Variants in CCDC137 observed in about 807,000 individuals in gnomAD.
CCDC137 encodes the protein coiled-coil domain-containing protein 137.
Under a neutral mutation model 30.4 loss-of-function variants are expected in CCDC137, and 24 were observed. The observed-to-expected ratio is 0.79, with a 90% CI of 0.57 to 1.11. CCDC137 has a LOEUF of 1.11. Among genes scored for constraint, CCDC137 ranks in the 50% least tolerant of loss-of-function variants. The probability of loss-of-function intolerance (pLI) is 0.00; values close to 1 mark genes in which losing one functional copy is unlikely to be tolerated. For missense variants in CCDC137, 417 were observed against 380.4 expected (o/e 1.10, Z -0.80); for synonymous variants, 182 against 155.7 (o/e 1.17, Z -1.26).
chr17:81,667,883 G>A lies in CCDC137; in HGVS notation c.268+21G>A. ...AGCAGGTGTGTGCAGGCCCATACTGGGCGGCAGTGAAGCTTTGTGTGTCTC... is the reference window on the plus strand; with the variant it reads ...AGCAGGTGTGTGCAGGCCCATACTGAGCGGCAGTGAAGCTTTGTGTGTCTC... On this transcript the variant is annotated intron_variant, in intron 2 of 5. Coordinates refer to ENST00000329214, the MANE Select transcript of CCDC137 (RefSeq NM_199287.3). 3 of 1,607,550 alleles carry A rather than the reference G, an allele frequency of 1.9e-6. No individual in the cohort carries two copies. In the South Asian group the frequency reaches 3.3e-5, roughly 18 times the overall value.
chr17:81,667,766 C>T lies in CCDC137; in HGVS notation c.172C>T (p.Gln58Ter). 2.5e-6 allele frequency: 4 copies of T among 1,613,650 alleles called. No individual in the cohort carries two copies. Among genetic ancestry groups the T allele is most frequent in the Non-Finnish European group, 3.4e-6 (4 of 1,179,990 alleles). ...GAAAGTGAACTGCAAGCCCAAGAAC[C>T]AGGACGAACAGGAGATTCCTTTCCG... is the stretch of plus-strand genomic sequence containing the variant. ...KKKVNCKPKN[Q>*]DEQEIPFRLR... The change falls in exon 2 of 6, where the codon CAG becomes TAG. Residue 58 changes from glutamine (Q) to a stop codon, truncating the protein, a stop_gained. Transcript: ENST00000329214. LOFTEE classifies it high-confidence loss of function.
At chr17:81,667,636 A>G in intron 1 of CCDC137, 93 bp from the exon 2 acceptor site, 1 of 1,487,086 alleles carries the variant, frequency 6.7e-7, no homozygotes, top group South Asian at 1.2e-5. Flanking sequence ...CAGCCCGTGT[A>G]GATTCTATTG....
At chr17:81,671,041 G>A (rs181132684) in intron 3 of CCDC137, among the ~76,000 whole-genome samples, 146 of 152,000 alleles carry the variant, frequency 9.6e-4, no homozygotes, top group African/African-American at 3.4e-3. Context: ...CTGAGGCAGT[G>A]GAATCGCTTG....
In CCDC137 at chr17:81,673,593, T is replaced by G. The variant is rs1021147473; in HGVS notation, c.*889T>G. ...CAGTCTCCAGTGCCAAAGGAGGAAA[T>G]GCCCAGGCTGTCAGCATTTCCAGAT... On this transcript the variant is annotated 3_prime_UTR_variant, in exon 6 of 6. Transcript: ENST00000329214. 1 of 152,206 alleles carries G rather than the reference T, an allele frequency of 6.6e-6. No homozygotes were observed. Among genetic ancestry groups the G allele is most frequent in the African/African-American group, 2.4e-5 (1 of 41,432 alleles). The allele number at this position is 152,206 out of a possible 1,614,324, so 9.4% of individuals were successfully genotyped here.
intron 2 of CCDC137, among the ~76,000 whole-genome samples, chr17:81,668,668 G>A (rs887660395): frequency 1.3e-5 from 2 of 152,166 alleles, no homozygotes; most frequent in Admixed American, 6.5e-5. Flanking sequence ...GTTCTGAACC[G>A]TGCTGCATTG....
chr17:81,666,924 C>A (rs754268458), intron 1 of CCDC137, 24 bp downstream of exon 1: 164 of 1,249,772 alleles, frequency 1.3e-4, no homozygotes, highest in Admixed American at 1.7e-4. Context: ...CCCGCGAGGC[C>A]GCCACACTTC....
rs1480035209 is a variant in CCDC137, at chr17:81,667,799, G to T, written c.205G>T (p.Glu69Ter). The T allele has an allele frequency of 4.3e-6, 7 of 1,612,936 alleles. No individual in the cohort carries two copies. Among genetic ancestry groups the T allele is most frequent in the Non-Finnish European group, 5.9e-6 (7 of 1,179,984 alleles). The change falls in exon 2 of 6, where the codon GAG becomes TAG. Residue 69 changes from glutamate (E) to a stop codon, truncating the protein, a stop_gained. Coordinates refer to ENST00000329214, the MANE Select transcript of CCDC137 (RefSeq NM_199287.3). LOFTEE classifies it high-confidence loss of function. ...ACAGGAGATTCCTTTCCGGCTCCGG[G>T]AGATTATGAGGAGCCGCCAAGAGAT... is the stretch of plus-strand genomic sequence containing the variant. ...DEQEIPFRLR[E>*]IMRSRQEMKN...
exon 6 of CCDC137, chr17:81,673,893 GTTAAAAGTTTTAAA>G (rs1403146797): frequency 2.0e-5 from 3 of 152,238 alleles, no homozygotes; most frequent in Non-Finnish European, 4.4e-5. Context: ...TTACTTTTTA[GTTAAAAGTTTTAAA>G]TTGGAGAATA....
chr17:81,669,685 G>A (rs964402697), intron 2 of CCDC137, among the ~76,000 whole-genome samples: 1 of 151,940 alleles, frequency 6.6e-6, no homozygotes. Flanking sequence ...TCAGCCTCCC[G>A]AGTAGTTGGG....
rs1252027670 is a variant in CCDC137, at chr17:81,667,718, C to A, written c.135-11C>A. 1.4e-5 allele frequency: 23 copies of A among 1,613,500 alleles called. No individual in the cohort carries two copies. In the South Asian group the frequency reaches 2.2e-4, roughly 15 times the overall value. On this transcript the variant is annotated splice_polypyrimidine_tract_variant and intron_variant, in intron 1 of 5. Coordinates refer to ENST00000329214, the MANE Select transcript of CCDC137 (RefSeq NM_199287.3). ...TTGGGACGGGTCTCACCCCCGTGTTCTTTCTCCCAGCAAAGAGAAGAAGAA... is the reference window on the plus strand; with the variant it reads ...TTGGGACGGGTCTCACCCCCGTGTTATTTCTCCCAGCAAAGAGAAGAAGAA...
At chr17:81,668,072 C>T (rs1449902803) in intron 2 of CCDC137, among the ~76,000 whole-genome samples, 2 of 151,972 alleles carry the variant, frequency 1.3e-5, no homozygotes, top group African/African-American at 2.4e-5. Flanking sequence ...GTGGGGTGGG[C>T]GGGGAGGACC....
chr17:81,672,662 A>AC lies in CCDC137; in HGVS notation c.832dup (p.His278ProfsTer36). ...GGCAGCAGCAGCTGCACGGGGAGCGACCCCACCTCACTTCCCGGAAGAAGC... is the reference window on the plus strand; with the variant it reads ...GGCAGCAGCAGCTGCACGGGGAGCGACCCCCACCTCACTTCCCGGAAGAAGC... On this transcript the variant is annotated frameshift_variant, in exon 6 of 6. Transcript: ENST00000329214. LOFTEE classifies it low-confidence loss of function (END_TRUNC). The AC allele has an allele frequency of 6.2e-7, 1 of 1,600,004 alleles. No homozygotes were observed. The highest frequency in any genetic ancestry group is 8.5e-7 in the Non-Finnish European group (1 of 1,174,414).
chr17:81,671,451 C>G (rs1289350043), intron 3 of CCDC137: 1 of 401,306 alleles, frequency 2.5e-6, no homozygotes, highest in Non-Finnish European at 4.7e-6. Flanking sequence ...GCACAAGGTG[C>G]CAGTAGCCCT....
Position 81,670,320 on chromosome 17 carries a change from G to T in CCDC137, c.364G>T (p.Asp122Tyr), listed in dbSNP as rs376921756. 1.2e-6 allele frequency: 2 copies of T among 1,614,026 alleles called. No individual in the cohort carries two copies. The highest frequency in any genetic ancestry group is 3.3e-5 in the Admixed American group (2 of 60,016). ...GTTCAAACAGAGGAAGGGGGAGTCT[G>T]ACGGGGCCTATATCCACCGCATGCA... ...PKFKQRKGES[D>Y]GAYIHRMQQE... Residue 122 changes from aspartate to tyrosine, a missense_variant, in exon 3 of 6, where the codon GAC (aspartate) becomes TAC (tyrosine). Coordinates refer to ENST00000329214, the MANE Select transcript of CCDC137 (RefSeq NM_199287.3).
In CCDC137 at chr17:81,672,595, A is replaced by AG; in HGVS notation, c.762dup (p.Arg255GlufsTer59). On this transcript the variant is annotated frameshift_variant, in exon 6 of 6. Coordinates refer to ENST00000329214, the MANE Select transcript of CCDC137 (RefSeq NM_199287.3). LOFTEE classifies it low-confidence loss of function (END_TRUNC). ...GCCCGCCAGCGGATTGTGGAGGAGG[A>AG]GAGAGAGCGGGCCGTGCAGGCCTAC... 6.3e-7 allele frequency: 1 copy of AG among 1,585,770 alleles called. No homozygotes were observed. The highest frequency in any genetic ancestry group is 8.6e-7 in the Non-Finnish European group (1 of 1,166,868).
intron 3 of CCDC137, 71 bp from the exon 4 acceptor site, chr17:81,671,673 G>A: frequency 1.3e-6 from 2 of 1,493,300 alleles, no homozygotes; most frequent in Non-Finnish European, 1.9e-6. Flanking sequence ...TTGTGGGTGG[G>A]GCGGCCTCTG....
chr17:81,667,666 C>G, intron 1 of CCDC137, 63 bp from the exon 2 acceptor site: 3 of 1,591,630 alleles, frequency 1.9e-6, no homozygotes, highest in Admixed American at 1.8e-5. Flanking sequence ...ACTATTGTTT[C>G]TCTTACTGAT....
chr17:81,671,744 GT>G lies in CCDC137; in HGVS notation c.500del (p.Phe167SerfsTer6). On this transcript the variant is annotated frameshift_variant and splice_region_variant, in exon 4 of 6. Coordinates refer to ENST00000329214, the MANE Select transcript of CCDC137 (RefSeq NM_199287.3). LOFTEE classifies it high-confidence loss of function. ...KSEQKKAKKA[F>X]QKRRLDKVRR... The stretch of plus-strand genomic sequence containing the variant: ...GAGTGACATGTGCTTTCTTCCCCAG[GT>G]TCCAGAAGCGGCGACTAGATAAAGT... 6.2e-7 allele frequency: 1 copy of G among 1,612,328 alleles called. No homozygotes were observed. Among genetic ancestry groups the G allele is most frequent in the African/African-American group, 1.3e-5 (1 of 74,380 alleles).
chr17:81,672,174 C>A lies in CCDC137; in HGVS notation c.660+19C>A. The A allele has an allele frequency of 6.2e-7, 1 of 1,612,146 alleles. No individual in the cohort carries two copies. ...GGACCAGGTAAGTGGGGCACGGGGA[C>A]AACTTGAGTTTGTCCCCCAGTGCTG... On this transcript the variant is annotated intron_variant, in intron 5 of 5. Transcript: ENST00000329214.
Sources: allele counts gnomAD v4.1 joint callset (sites outside exome capture counted in the v4.1 genomes callset), GRCh38; gene constraint gnomAD v4.1.1; transcripts MANE v1.5; gene names NCBI Gene and HGNC (gene_info 2026-07-23, HGNC 2026-07-21).